ZNF486: variants seen among roughly 807,000 people sequenced by gnomAD.
The protein encoded by ZNF486 is KRAB box only protein 2.
In ZNF486, 12 loss-of-function variants were observed where a neutral mutation model predicts 12.8. The observed-to-expected ratio is 0.94, with a 90% CI of 0.60 to 1.52. The LOEUF is 1.52. Among genes scored for constraint, ZNF486 ranks in the 40% most tolerant of loss-of-function variants. ZNF486 has a pLI of 0.00. For synonymous variants in ZNF486, 231 were observed against 184.9 expected, an observed-to-expected ratio of 1.25 and a Z score of -2.02; for missense variants, 738 against 545.0, an observed-to-expected ratio of 1.35 and a Z score of -3.53.
chr19:20,175,216 G>C (rs969589586), intron 1 of ZNF486: 1 of 152,112 alleles, frequency 6.6e-6, no homozygotes, highest in Non-Finnish European at 1.5e-5. Flanking sequence ...TTGCTTTTAG[G>C]AGAATATTTT....
chr19:20,195,762 A>T (rs2089952109), intron 3 of ZNF486, among the ~76,000 whole-genome samples: 1 of 152,152 alleles, frequency 6.6e-6, no homozygotes, highest in African/African-American at 2.4e-5. Flanking sequence ...AAATCAGCTT[A>T]TTCATATCTC....
chr19:20,186,076 C>G lies in ZNF486; in HGVS notation c.247C>G (p.Pro83Ala), dbSNP rs782354470. 2.5e-6 allele frequency: 4 copies of G among 1,580,788 alleles called. No homozygotes were observed. The highest frequency in any genetic ancestry group is 4.7e-5 in the East Asian group (2 of 42,492). ...TMKRHEMIAK[P>A]PVVCSHFAQD... Reference sequence around the variant, plus strand: ...GAAGAGACATGAGATGATTGCCAAACCCCCAGGTAGGTGCGAATGAAAATG... The same window carrying G: ...GAAGAGACATGAGATGATTGCCAAAGCCCCAGGTAGGTGCGAATGAAAATG... The change falls in exon 3 of 4, where the codon CCC (proline) becomes GCC (alanine). Residue 83 changes from proline to alanine, a missense_variant. Coordinates refer to ENST00000335117, the MANE Select transcript of ZNF486 (RefSeq NM_052852.4).
intron 1 of ZNF486, among the ~76,000 whole-genome samples, chr19:20,179,372 ATAC>A (rs1283931126): frequency 6.6e-5 from 10 of 152,212 alleles, no homozygotes; most frequent in Non-Finnish European, 1.0e-4. Context: ...CTTCCTGTAA[ATAC>A]TACTAATCAA....
intron 1 of ZNF486, among the ~76,000 whole-genome samples, chr19:20,181,350 T>C (rs765859980): frequency 2.0e-5 from 3 of 152,024 alleles, no homozygotes; most frequent in Non-Finnish European, 2.9e-5. Context: ...CCATCCTGGC[T>C]AACACGGTGA....
chr19:20,173,998 T>C (rs782649567), intron 1 of ZNF486, among the ~76,000 whole-genome samples: 13 of 152,166 alleles, frequency 8.5e-5, no homozygotes, highest in Non-Finnish European at 1.6e-4. Flanking sequence ...GAACTTCAGA[T>C]TTATTGCTTT....
chr19:20,194,460 C>T (rs1555717603), intron 3 of ZNF486, among the ~76,000 whole-genome samples: 1 of 152,210 alleles, frequency 6.6e-6, no homozygotes, highest in African/African-American at 2.4e-5. Context: ...GTTGTGGTGG[C>T]TCACGTCTAT....
chr19:20,189,702 AGTTTTTAT>A (rs2089884344), intron 3 of ZNF486, among the ~76,000 whole-genome samples: 1 of 152,072 alleles, frequency 6.6e-6, no homozygotes, highest in African/African-American at 2.4e-5. Flanking sequence ...TAGTTTTAAG[AGTTTTTAT>A]TTATTTTGAA....
chr19:20,191,259 CAGG>C (rs1450232516), intron 3 of ZNF486, among the ~76,000 whole-genome samples: 2 of 151,852 alleles, frequency 1.3e-5, no homozygotes, highest in Admixed American at 6.6e-5. Flanking sequence ...ATCATGAGGT[CAGG>C]AGATCGAGAC....
At chr19:20,174,809 T>C (rs1331171245) in intron 1 of ZNF486, among the ~76,000 whole-genome samples, 2 of 152,236 alleles carry the variant, frequency 1.3e-5, no homozygotes, top group Non-Finnish European at 2.9e-5. Flanking sequence ...ATAGTTTTAA[T>C]TATTAAAAAT....
intron 1 of ZNF486, among the ~76,000 whole-genome samples, 167 bp downstream of exon 1, chr19:20,167,527 G>A (rs2089597844): frequency 1.3e-5 from 2 of 152,196 alleles, no homozygotes; most frequent in Admixed American, 6.5e-5. Context: ...TGGCTGCGCT[G>A]ACAGCCGGTC....
At chr19:20,175,331 ATTTTTTTT>A (rs782300626) in intron 1 of ZNF486, 2 of 119,894 alleles carry the variant, frequency 1.7e-5, no homozygotes, top group African/African-American at 6.8e-5. Flanking sequence ...AGCCCTATTA[ATTTTTTTT>A]TTTTTTTTTT....
At chr19:20,179,030 T>A (rs566733280) in intron 1 of ZNF486, among the ~76,000 whole-genome samples, 93 of 152,356 alleles carry the variant, frequency 6.1e-4, no homozygotes, top group African/African-American at 2.1e-3. Context: ...CTCTATATTT[T>A]GAATCCAGAT....
intron 1 of ZNF486, among the ~76,000 whole-genome samples, chr19:20,171,108 G>A (rs1555713822): frequency 6.6e-6 from 1 of 152,170 alleles, no homozygotes; most frequent in Admixed American, 6.5e-5. Flanking sequence ...ATAAGTTTGT[G>A]TTGGAGAAAT....
At chr19:20,178,633 C>T (rs2089750155) in intron 1 of ZNF486, among the ~76,000 whole-genome samples, 1 of 152,238 alleles carries the variant, frequency 6.6e-6, no homozygotes, top group South Asian at 2.1e-4. Flanking sequence ...CAGAATTTAG[C>T]AAGGCCTTTC....
rs781888160 is a variant in ZNF486, at chr19:20,197,709, A to G, written c.999A>G (p.Ser333=). Residue 333 remains serine, a synonymous_variant, in exon 4 of 4, where the codon TCA becomes TCG. Coordinates refer to ENST00000335117, the MANE Select transcript of ZNF486 (RefSeq NM_052852.4). ...ATAAATGTGGCAAAGCCTTTATTTCATCCTCGATCCTTAGTAAACATGAGA... is the reference window on the plus strand; with the variant it reads ...ATAAATGTGGCAAAGCCTTTATTTCGTCCTCGATCCTTAGTAAACATGAGA... ...TCDKCGKAFI[S]SSILSKHEKI... is the part of the protein sequence containing the mutation. 6.2e-7 allele frequency: 1 copy of G among 1,612,848 alleles called. No individual in the cohort carries two copies. The highest frequency in any genetic ancestry group is 8.5e-7 in the Non-Finnish European group (1 of 1,179,666).
At position 20,197,645 on chromosome 19, in the gene ZNF486, A is replaced by G. The variant is rs1374256369; in HGVS notation, c.935A>G (p.His312Arg). 1.9e-6 allele frequency: 3 copies of G among 1,613,788 alleles called. No homozygotes were observed. Among genetic ancestry groups the G allele is most frequent in the African/African-American group, 1.3e-5 (1 of 74,932 alleles). Residue 312 changes from histidine to arginine, a missense_variant, in exon 4 of 4, where the codon CAT becomes CGT. By Grantham distance (29) the His-to-Arg change is conservative. Transcript: ENST00000335117. Reference protein sequence around the residue: ...AFNHPATLSSHKKIHTGEKPY... With the variant: ...AFNHPATLSSRKKIHTGEKPY... ...AACCATCCTGCAACTCTTTCTTCAC[A>G]TAAGAAAATTCATACTGGAGAGAAA...
intron 1 of ZNF486, chr19:20,176,758 G>T (rs1333798684): frequency 6.5e-6 from 1 of 153,722 alleles, no homozygotes; most frequent in Non-Finnish European, 1.4e-5. Context: ...AGGTTGCAGT[G>T]AGCCGAGATG....
rs781964015 is a variant in ZNF486, at chr19:20,167,281, C to A, written c.-50C>A. ...TCTGTGTCCTCTGCTCCTAGAGGCC[C>A]ACCCTCTGTGGCCCTGTGTCCTGTA... is the stretch of plus-strand genomic sequence containing the variant. On this transcript the variant is annotated 5_prime_UTR_variant, in exon 1 of 4. Coordinates refer to ENST00000335117, the MANE Select transcript of ZNF486 (RefSeq NM_052852.4). 1 of 1,612,774 alleles carries A rather than the reference C, an allele frequency of 6.2e-7. No homozygotes were observed. The highest frequency in any genetic ancestry group is 2.2e-5 in the East Asian group (1 of 44,876).
intron 3 of ZNF486, among the ~76,000 whole-genome samples, chr19:20,187,890 G>GA (rs1216744479): frequency 3.9e-5 from 6 of 152,142 alleles, no homozygotes; most frequent in East Asian, 1.9e-4. Flanking sequence ...TTGTAGTGGA[G>GA]AGGGGGTGTA....
Sources: allele counts gnomAD v4.1 joint callset (sites outside exome capture counted in the v4.1 genomes callset), GRCh38; gene constraint gnomAD v4.1.1; transcripts MANE v1.5; gene names NCBI Gene and HGNC (gene_info 2026-07-23, HGNC 2026-07-21).